The following ROBO2 variants were observed in gnomAD, a reference collection of about 807,000 sequenced individuals.
The protein encoded by ROBO2 is roundabout homolog 2.
In ROBO2, 53 loss-of-function variants were observed where a neutral mutation model predicts 160.8. The ratio of observed to expected loss-of-function variants is 0.33; its 90% CI spans 0.26 to 0.41. The LOEUF is 0.41. Ranked by LOEUF, ROBO2 falls within the 10% of genes least tolerant of loss-of-function variation. The probability of loss-of-function intolerance (pLI) is 1.00; values close to 1 mark genes in which losing one functional copy is unlikely to be tolerated. For missense variants in ROBO2, 1,577 were observed against 1,722.4 expected (o/e 0.92, Z 1.49); for synonymous variants, 664 against 611.7 (o/e 1.09, Z -1.26).
At chr3:76,232,633 C>T (rs1704689144) in intron 2 of ROBO2, among the ~76,000 whole-genome samples, 1 of 152,162 alleles carries the variant, frequency 6.6e-6, no homozygotes. Context: ...CGATCACAAA[C>T]AAATCATTTA....
intron 2 of ROBO2, among the ~76,000 whole-genome samples, chr3:76,684,505 G>T (rs2092642514): frequency 6.6e-6 from 1 of 152,096 alleles, no homozygotes; most frequent in Admixed American, 6.6e-5. Context: ...GTAAATTTTA[G>T]TGCAGAGAAT....
intron 2 of ROBO2, among the ~76,000 whole-genome samples, chr3:77,256,667 G>A (rs2058436909): frequency 6.6e-6 from 1 of 152,194 alleles, no homozygotes; most frequent in Admixed American, 6.5e-5. Flanking sequence ...GGAGAATATT[G>A]ATGGAGAAAG....
At chr3:76,297,663 A>G (rs1431442542) in intron 2 of ROBO2, among the ~76,000 whole-genome samples, 1 of 151,604 alleles carries the variant, frequency 6.6e-6, no homozygotes, top group Non-Finnish European at 1.5e-5. Flanking sequence ...TTCAAGAAAA[A>G]AAAAAGATCA....
At chr3:76,700,400 G>T (rs2093023278) in intron 2 of ROBO2, among the ~76,000 whole-genome samples, 2 of 151,280 alleles carry the variant, frequency 1.3e-5, no homozygotes, top group African/African-American at 2.4e-5. Context: ...TTTTTCTTTT[G>T]TTTAAACTTC....
intron 20 of ROBO2, among the ~76,000 whole-genome samples, chr3:77,605,484 A>C (rs920489895): frequency 1.6e-4 from 25 of 152,186 alleles, no homozygotes; most frequent in Non-Finnish European, 3.1e-4. Flanking sequence ...CGTACTGCCC[A>C]TAATGAGAGA....
At chr3:77,276,216 AC>A (rs1165177051) in intron 2 of ROBO2, among the ~76,000 whole-genome samples, 2 of 110,186 alleles carry the variant, frequency 1.8e-5, no homozygotes, top group Non-Finnish European at 3.6e-5. Flanking sequence ...AAACAAACAA[AC>A]AAAAAAAAAA....
chr3:77,535,703 C>T (rs187576125), intron 6 of ROBO2, among the ~76,000 whole-genome samples: 26 of 152,126 alleles, frequency 1.7e-4, no homozygotes, highest in Non-Finnish European at 2.9e-4. Context: ...AAGCTACAAA[C>T]GCACTGGTAA....
At chr3:76,918,447 A>G (rs955137382) in intron 2 of ROBO2, among the ~76,000 whole-genome samples, 7 of 152,186 alleles carry the variant, frequency 4.6e-5, no homozygotes, top group Admixed American at 6.5e-5. Flanking sequence ...AGTCTCAGGT[A>G]TTTCTTCATA....
At chr3:77,063,204 G>T (rs766331776) in intron 1 of ROBO2, among the ~76,000 whole-genome samples, 1 of 152,154 alleles carries the variant, frequency 6.6e-6, no homozygotes, top group Non-Finnish European at 1.5e-5. Context: ...TCAGAGTAAG[G>T]TTTCGCCAAG....
At chr3:76,385,171 T>C (rs2108591676) in intron 2 of ROBO2, among the ~76,000 whole-genome samples, 1 of 152,200 alleles carries the variant, frequency 6.6e-6, no homozygotes, top group South Asian at 2.1e-4. Context: ...ACTTTTGTAA[T>C]TTTTATAGAG....
intron 2 of ROBO2, among the ~76,000 whole-genome samples, chr3:77,397,817 A>G (rs1006290774): frequency 2.0e-5 from 3 of 152,130 alleles, no homozygotes; most frequent in African/African-American, 4.8e-5. Flanking sequence ...AATTTCTGAA[A>G]TGTTCTTCCT....
intron 2 of ROBO2, among the ~76,000 whole-genome samples, chr3:76,878,270 A>T (rs928347241): frequency 6.6e-5 from 10 of 152,216 alleles, no homozygotes; most frequent in South Asian, 2.1e-4. Context: ...ATGTATTTTT[A>T]ATACTTTGTG....
chr3:76,949,190 C>G (rs1177340710), intron 2 of ROBO2, among the ~76,000 whole-genome samples: 1 of 151,962 alleles, frequency 6.6e-6, no homozygotes, highest in South Asian at 2.1e-4. Flanking sequence ...ATACCTGAAG[C>G]TCTTAAAGAG....
At chr3:76,865,338 A>G (rs1203500288) in intron 2 of ROBO2, among the ~76,000 whole-genome samples, 1 of 151,556 alleles carries the variant, frequency 6.6e-6, no homozygotes, top group Non-Finnish European at 1.5e-5. Context: ...TAAAATGAGC[A>G]ATTCTTAACA....
In ROBO2 at chr3:76,733,730, A is replaced by T. The variant is rs146357204; in HGVS notation, c.110-364284A>T. 4.6e-5 allele frequency among the ~76,000 whole-genome samples: 7 copies of T among 152,142 alleles called. No homozygotes were observed. In the East Asian group the frequency reaches 9.7e-4, roughly 21 times the overall value. Reference sequence around the variant, plus strand: ...TGAAAAAATAATGTTTCATGTGGGAATTTTTTTTGTTTTATACTCATTTAT... The same window carrying T: ...TGAAAAAATAATGTTTCATGTGGGATTTTTTTTTGTTTTATACTCATTTAT... On this transcript the variant is annotated intron_variant, in intron 2 of 26. Transcript: ENST00000487694.
chr3:76,379,347 T>TA (rs1040701911), intron 2 of ROBO2, among the ~76,000 whole-genome samples: 8 of 152,124 alleles, frequency 5.3e-5, no homozygotes, highest in African/African-American at 1.4e-4. Context: ...ATTTTTTCAA[T>TA]AAAAAATATT....
At chr3:77,598,527 G>GTATGTATA (rs2094361352) in intron 19 of ROBO2, among the ~76,000 whole-genome samples, 1 of 139,980 alleles carries the variant, frequency 7.1e-6, no homozygotes, top group Non-Finnish European at 1.5e-5. Flanking sequence ...ATATATATGT[G>GTATGTATA]TATATATATA....
intron 2 of ROBO2, among the ~76,000 whole-genome samples, chr3:76,633,677 C>T (rs1438574845): frequency 6.6e-6 from 1 of 152,188 alleles, no homozygotes; most frequent in Non-Finnish European, 1.5e-5. Context: ...GGGAAATAGT[C>T]TACGCCAGGC....
At chr3:76,910,920 T>G (rs2075956199) in intron 2 of ROBO2, among the ~76,000 whole-genome samples, 1 of 152,004 alleles carries the variant, frequency 6.6e-6, no homozygotes, top group Non-Finnish European at 1.5e-5. Context: ...TTTTTTTGCT[T>G]CATTCGAATA....
Sources: gnomAD v4.1 joint callset for allele counts (sites outside exome capture counted in the v4.1 genomes callset) on GRCh38, gnomAD v4.1.1 for gene constraint, MANE v1.5 for transcripts, NCBI Gene and HGNC (gene_info 2026-07-23, HGNC 2026-07-21) for gene names.